Variants in MPPED2 observed in about 807,000 individuals in gnomAD.
MPPED2 encodes the protein metallophosphoesterase domain containing 2.
In MPPED2, 5 loss-of-function variants were observed where a neutral mutation model predicts 33.0. That is an observed-to-expected ratio of 0.15 (90% CI 0.08 to 0.32). The LOEUF (loss-of-function observed/expected upper bound fraction) is 0.32. Ranked by LOEUF, MPPED2 falls within the 10% of genes least tolerant of loss-of-function variation. The probability of loss-of-function intolerance (pLI) is 1.00; values close to 1 mark genes in which losing one functional copy is unlikely to be tolerated. For missense variants in MPPED2, 275 were observed against 372.1 expected, an observed-to-expected ratio of 0.74 and a Z score of 2.15; for synonymous variants, 136 against 141.9, an observed-to-expected ratio of 0.96 and a Z score of 0.29.
Position 30,410,648 on chromosome 11 carries a change from T to G in MPPED2, c.*820A>C. 1.0e-6 allele frequency: 1 copy of G among 985,800 alleles called. No individual in the cohort carries two copies. Among genetic ancestry groups the G allele is most frequent in the Non-Finnish European group, 1.2e-6 (1 of 829,904 alleles). 61.1% of individuals were successfully genotyped at this position (985,800 alleles called of 1,614,324 possible). Reference sequence around the variant, plus strand: ...GATGTGTTGCTATACAGCATCCCTTTGCAGTTGTACTGTCCTTGACAATAA... The same window carrying G: ...GATGTGTTGCTATACAGCATCCCTTGGCAGTTGTACTGTCCTTGACAATAA... On this transcript the variant is annotated 3_prime_UTR_variant, in exon 7 of 7. Transcript: ENST00000358117.
intron 4 of MPPED2, among the ~76,000 whole-genome samples, chr11:30,467,447 A>G (rs1331394419): frequency 6.6e-6 from 1 of 152,178 alleles, no homozygotes; most frequent in African/African-American, 2.4e-5. Context: ...AGGGATCCCC[A>G]AGCCCAAGTC....
Position 30,427,538 on chromosome 11 carries a change from G to A in MPPED2, c.537-9905C>T, listed in dbSNP as rs533970537. Among the ~76,000 whole-genome samples, 3 of 152,306 alleles carry A rather than the reference G, an allele frequency of 2.0e-5. No individual in the cohort carries two copies. The South Asian group carries it at 6.2e-4, about 32-fold the overall frequency. On this transcript the variant is annotated intron_variant, in intron 4 of 6. Coordinates refer to ENST00000358117, the MANE Select transcript of MPPED2 (RefSeq NM_001584.3). The stretch of plus-strand genomic sequence containing the variant: ...ACATAAGGTCAATTGGAAACTCAAT[G>A]AGTCTGGCTCACTACTGTGTCCCCA...
intron 4 of MPPED2, among the ~76,000 whole-genome samples, chr11:30,433,703 T>C (rs1949186517): frequency 6.6e-6 from 1 of 152,082 alleles, no homozygotes; most frequent in East Asian, 1.9e-4. Context: ...TAGTGGGAAA[T>C]TTTCAAAGGG....
At chr11:30,446,040 G>A (rs1308643274) in intron 4 of MPPED2, among the ~76,000 whole-genome samples, 3 of 152,194 alleles carry the variant, frequency 2.0e-5, no homozygotes, top group Admixed American at 6.5e-5. Flanking sequence ...TGAGGGTCCT[G>A]TTTCTAATAC....
intron 4 of MPPED2, among the ~76,000 whole-genome samples, chr11:30,456,198 C>CA (rs1940020385): frequency 6.6e-6 from 1 of 152,162 alleles, no homozygotes; most frequent in African/African-American, 2.4e-5. Flanking sequence ...TGGGAAAATT[C>CA]AACTGGAGAA....
At chr11:30,452,998 T>A (rs1292492336) in intron 4 of MPPED2, among the ~76,000 whole-genome samples, 1 of 152,170 alleles carries the variant, frequency 6.6e-6, no homozygotes, top group African/African-American at 2.4e-5. Context: ...GACTTCCTGA[T>A]GAAGTTAGCA....
intron 5 of MPPED2, among the ~76,000 whole-genome samples, 160 bp from the exon 6 acceptor site, chr11:30,414,501 G>A (rs950588992): frequency 1.5e-4 from 23 of 151,710 alleles, no homozygotes; most frequent in South Asian, 4.2e-4. Context: ...CTTTTCACTC[G>A]TCACTTTGTC....
At chr11:30,475,105 A>G (rs1323326050) in intron 4 of MPPED2, among the ~76,000 whole-genome samples, 1 of 152,210 alleles carries the variant, frequency 6.6e-6, no homozygotes, top group Non-Finnish European at 1.5e-5. Context: ...GTTTTGTTTA[A>G]GAAGACTTGG....
chr11:30,528,880 A>T (rs1954352279), intron 3 of MPPED2, among the ~76,000 whole-genome samples: 1 of 152,226 alleles, frequency 6.6e-6, no homozygotes, highest in Admixed American at 6.5e-5. Context: ...AATCTTTATG[A>T]AGAGAAATTT....
intron 6 of MPPED2, among the ~76,000 whole-genome samples, chr11:30,404,968 G>C (rs1004052161): frequency 2.6e-4 from 40 of 152,094 alleles, no homozygotes; most frequent in African/African-American, 8.9e-4. Context: ...TCTGACCTTG[G>C]GGAGCTCATA....
intron 2 of MPPED2, among the ~76,000 whole-genome samples, chr11:30,557,516 C>T (rs1030945282): frequency 2.0e-5 from 3 of 152,190 alleles, no homozygotes; most frequent in East Asian, 1.9e-4. Context: ...TGTTTATTTA[C>T]AAATATTCTT....
intron 2 of MPPED2, among the ~76,000 whole-genome samples, chr11:30,549,789 C>T (rs1016927195): frequency 2.6e-5 from 4 of 152,260 alleles, no homozygotes; most frequent in Admixed American, 6.5e-5. Context: ...GAGGTGCACA[C>T]GTGACTGCCG....
chr11:30,516,026 A>C (rs553606824), intron 3 of MPPED2, among the ~76,000 whole-genome samples: 2 of 152,324 alleles, frequency 1.3e-5, no homozygotes, highest in Admixed American at 1.3e-4. Context: ...CAGCAAATGC[A>C]TGGTATGAGT....
intron 4 of MPPED2, among the ~76,000 whole-genome samples, chr11:30,450,833 C>T (rs1387028175): frequency 6.6e-6 from 1 of 152,198 alleles, no homozygotes; most frequent in Non-Finnish European, 1.5e-5. Context: ...TTATTAGCCC[C>T]CTTTTTCAGA....
At chr11:30,528,295 G>A (rs1954317326) in intron 3 of MPPED2, among the ~76,000 whole-genome samples, 1 of 151,816 alleles carries the variant, frequency 6.6e-6, no homozygotes, top group Admixed American at 6.6e-5. Context: ...TCGCTCTGTT[G>A]CCCAGGCTAG....
At chr11:30,543,485 T>C (rs1216905164) in intron 2 of MPPED2, among the ~76,000 whole-genome samples, 1 of 152,198 alleles carries the variant, frequency 6.6e-6, no homozygotes, top group Admixed American at 6.5e-5. Context: ...CACCACTATT[T>C]ACCGATGAAA....
At chr11:30,495,953 A>G (rs968998406) in intron 3 of MPPED2, among the ~76,000 whole-genome samples, 1 of 152,210 alleles carries the variant, frequency 6.6e-6, no homozygotes, top group Non-Finnish European at 1.5e-5. Context: ...GATTTTTAGT[A>G]TATGCTTCAT....
chr11:30,457,602 T>G (rs189260585), intron 4 of MPPED2, among the ~76,000 whole-genome samples: 11 of 152,264 alleles, frequency 7.2e-5, no homozygotes, highest in Admixed American at 6.5e-4. Flanking sequence ...AGATCGTATT[T>G]AATCCACAAA....
At chr11:30,501,484 C>CAA (rs1447881242) in intron 3 of MPPED2, 1 of 216,848 alleles carries the variant, frequency 4.6e-6, no homozygotes, top group African/African-American at 2.3e-5. Flanking sequence ...TAACCTCGCA[C>CAA]AATGTATTCC....
Sources: allele counts gnomAD v4.1 joint callset (sites outside exome capture counted in the v4.1 genomes callset), GRCh38; gene constraint gnomAD v4.1.1; transcripts MANE v1.5; gene names NCBI Gene and HGNC (gene_info 2026-07-23, HGNC 2026-07-21).